The following KCNQ1 variants were observed in gnomAD, a reference collection of about 807,000 sequenced individuals.
KCNQ1 encodes potassium voltage-gated channel subfamily KQT member 1.
In KCNQ1, 49 loss-of-function variants were observed where a neutral mutation model predicts 72.4. The ratio of observed to expected loss-of-function variants is 0.68; its 90% confidence interval spans 0.54 to 0.86. The LOEUF is 0.86. Ranked by LOEUF, KCNQ1 falls within the 40% of genes least tolerant of loss-of-function variation. The pLI is 0.00. For missense variants in KCNQ1, 790 were observed against 945.1 expected, an observed-to-expected ratio of 0.84 and a Z score of 2.15; for synonymous variants, 450 against 412.6, an observed-to-expected ratio of 1.09 and a Z score of -1.10.
In KCNQ1 at chr11:2,623,045, G is replaced by A; in HGVS notation, c.1393+34191G>A. 2.5e-6 allele frequency: 1 copy of A among 398,574 alleles called. No individual in the cohort carries two copies. The highest frequency in any genetic ancestry group is 4.4e-6 in the Non-Finnish European group (1 of 226,110). 24.7% of individuals were successfully genotyped at this position (398,574 alleles called of 1,614,324 possible). A position where few individuals can be genotyped will look rare whatever the true frequency, so the allele number is the denominator to read the frequency against. On this transcript the variant is annotated intron_variant, in intron 10 of 15. Coordinates refer to ENST00000155840, the MANE Select transcript of KCNQ1 (RefSeq NM_000218.3). The surrounding 1 kb of genome is among the most constrained non-coding windows in gnomAD (Gnocchi z 5.2). The stretch of plus-strand genomic sequence containing the variant: ...GTGTCAGGGGAGGGGCCTGGTGGGG[G>A]GCAAACTTCCCCCTTGCTGTTCTCA...
intron 2 of KCNQ1, among the ~76,000 whole-genome samples, chr11:2,532,263 T>A (rs1564808512): frequency 2.6e-5 from 4 of 152,306 alleles, no homozygotes; most frequent in South Asian, 4.1e-4. Flanking sequence ...AAGCTCTGCA[T>A]GGCGCTTCCT....
At chr11:2,452,037 A>G (rs1238474341) in intron 1 of KCNQ1, among the ~76,000 whole-genome samples, 1 of 152,148 alleles carries the variant, frequency 6.6e-6, no homozygotes, top group Non-Finnish European at 1.5e-5. Flanking sequence ...TGGCTCTCAA[A>G]GCCTTGGTCT....
At chr11:2,793,133 G>A (rs940541156) in intron 15 of KCNQ1, among the ~76,000 whole-genome samples, 13 of 152,220 alleles carry the variant, frequency 8.5e-5, no homozygotes, top group African/African-American at 3.1e-4. Context: ...CATCCTCGCT[G>A]GGCTACAAAT....
chr11:2,638,073 T>C (rs1236301485), intron 10 of KCNQ1: 5 of 152,232 alleles, frequency 3.3e-5, no homozygotes, highest in Non-Finnish European at 7.3e-5. Context: ...TATGTGTGTC[T>C]CTGCACGTGA....
intron 11 of KCNQ1, among the ~76,000 whole-genome samples, chr11:2,737,607 T>C (rs1021894614): frequency 1.3e-5 from 2 of 152,224 alleles, no homozygotes; most frequent in Admixed American, 1.3e-4. Flanking sequence ...GTGAGTGAAT[T>C]TGACTCCGTT....
In KCNQ1 at chr11:2,752,106, CTGTT is replaced by C. The variant is rs1055643779; in HGVS notation, c.1515-16734_1515-16731del. 6.6e-6 allele frequency among the ~76,000 whole-genome samples: 1 copy of C among 152,258 alleles called. No individual in the cohort carries two copies. Among genetic ancestry groups the C allele is most frequent in the Non-Finnish European group, 1.5e-5 (1 of 68,052 alleles). ...GGTCATCCCTGTTTCCACCACAAGA[CTGTT>C]TGTAGCCGAGCTTGGGAGTTGTGTT... On this transcript the variant is annotated intron_variant, in intron 11 of 15. Coordinates refer to ENST00000155840, the MANE Select transcript of KCNQ1 (RefSeq NM_000218.3). The surrounding 1 kb of genome is among the most constrained non-coding windows in gnomAD (Gnocchi z 5.2).
chr11:2,497,350 G>A lies in KCNQ1; in HGVS notation c.387-30578G>A, dbSNP rs1846939866. Among the ~76,000 whole-genome samples the A allele has an allele frequency of 6.6e-6, 1 of 152,036 alleles. No homozygotes were observed. Among genetic ancestry groups the A allele is most frequent in the South Asian group, 2.1e-4 (1 of 4,814 alleles). Reference sequence around the variant, plus strand: ...TTCATATAGTCCCATATTTCTTGGAGGTTTTGTTCGTTCTTTTTCATCATT... The same window carrying A: ...TTCATATAGTCCCATATTTCTTGGAAGTTTTGTTCGTTCTTTTTCATCATT... On this transcript the variant is annotated intron_variant, in intron 1 of 15. Coordinates refer to ENST00000155840, the MANE Select transcript of KCNQ1 (RefSeq NM_000218.3). This position sits in a 1 kb window ranked among gnomAD's most constrained non-coding sequence, Gnocchi z 4.5.
chr11:2,662,126 GA>G (rs1248836146), intron 11 of KCNQ1, 45 bp downstream of exon 11: 4 of 1,613,014 alleles, frequency 2.5e-6, no homozygotes, highest in Non-Finnish European at 3.4e-6. Context: ...GAGGGGACTG[GA>G]GCTCAAGGAG....
intron 15 of KCNQ1, among the ~76,000 whole-genome samples, chr11:2,780,099 C>T (rs1394508561): frequency 1.3e-5 from 2 of 152,180 alleles, no homozygotes; most frequent in African/African-American, 4.8e-5. Flanking sequence ...TGGTGAGTGG[C>T]ACCCACAGTC....
chr11:2,823,582 G>C (rs149374254), intron 15 of KCNQ1, among the ~76,000 whole-genome samples: 1 of 152,322 alleles, frequency 6.6e-6, no homozygotes, highest in African/African-American at 2.4e-5. Context: ...CAGGCCTCCA[G>C]CCCAGGCAGC....
At chr11:2,470,004 C>G (rs964448510) in intron 1 of KCNQ1, among the ~76,000 whole-genome samples, 1 of 151,998 alleles carries the variant, frequency 6.6e-6, no homozygotes, top group Admixed American at 6.6e-5. Flanking sequence ...ACTCTGTCGC[C>G]CAGGTTGAAG....
intron 11 of KCNQ1, among the ~76,000 whole-genome samples, chr11:2,733,840 T>G (rs1198170781): frequency 2.7e-5 from 1 of 36,748 alleles, no homozygotes; most frequent in African/African-American, 2.1e-4. Context: ...TCTCTCTCTC[T>G]CTCTCTCTCT....
At chr11:2,837,668 G>A (rs936974065) in intron 15 of KCNQ1, among the ~76,000 whole-genome samples, 1 of 152,208 alleles carries the variant, frequency 6.6e-6, no homozygotes, top group African/African-American at 2.4e-5. Flanking sequence ...GAGGGGGAAG[G>A]GAGGGGGCCT....
intron 11 of KCNQ1, among the ~76,000 whole-genome samples, chr11:2,716,155 T>C (rs573232641): frequency 2.0e-4 from 30 of 152,292 alleles, no homozygotes; most frequent in African/African-American, 3.6e-4. Context: ...TGGCTGTTTG[T>C]ATCACTTAAC....
intron 2 of KCNQ1, among the ~76,000 whole-genome samples, 173 bp downstream of exon 2, chr11:2,528,191 C>T (rs1847544997): frequency 6.6e-6 from 1 of 152,190 alleles, no homozygotes; most frequent in African/African-American, 2.4e-5. Flanking sequence ...TGCCAAGTGA[C>T]TTGGGATGTA....
At chr11:2,788,571 C>G (rs545160240) in intron 15 of KCNQ1, among the ~76,000 whole-genome samples, 51 of 149,982 alleles carry the variant, frequency 3.4e-4, no homozygotes, top group Non-Finnish European at 6.0e-4. Flanking sequence ...CACACCCAAC[C>G]CAACACTCCT....
rs11023003 is a variant in KCNQ1, at chr11:2,483,040, G to A, written c.386+37556G>A. 6.8e-4 allele frequency among the ~76,000 whole-genome samples: 103 copies of A among 152,264 alleles called. No homozygotes were observed. Among genetic ancestry groups the A allele is most frequent in the African/African-American group, 2.3e-3 (94 of 41,560 alleles). ...GGAGTGCCTTTTGTGGAGGGGAGTC[G>A]GACACAGATGGGATTTCAGCAGAGA... On this transcript the variant is annotated intron_variant, in intron 1 of 15. Transcript: ENST00000155840. This position sits in a 1 kb window ranked among gnomAD's most constrained non-coding sequence, Gnocchi z 6.1.
In KCNQ1 at chr11:2,544,346, GTATA is replaced by G. The variant is rs953686275; in HGVS notation, c.477+16334_477+16337del. Reference sequence around the variant, plus strand: ...TATGTATATATATGTGTATGTATATGTATATATATGTGTATATATATGTGTATAT... The same window carrying G: ...TATGTATATATATGTGTATGTATATGTATATGTGTATATATATGTGTATAT... On this transcript the variant is annotated intron_variant, in intron 2 of 15. Coordinates refer to ENST00000155840, the MANE Select transcript of KCNQ1 (RefSeq NM_000218.3). This position sits in a 1 kb window ranked among gnomAD's most constrained non-coding sequence, Gnocchi z 4.4. 1.4e-5 allele frequency among the ~76,000 whole-genome samples: 2 copies of G among 146,428 alleles called. No homozygotes were observed. Among genetic ancestry groups the G allele is most frequent in the Non-Finnish European group, 3.0e-5 (2 of 67,200 alleles).
At position 2,750,298 on chromosome 11, in the gene KCNQ1, C is replaced by T. The variant is rs958072489; in HGVS notation, c.1515-18546C>T. 5.9e-5 allele frequency among the ~76,000 whole-genome samples: 9 copies of T among 152,264 alleles called. No individual in the cohort carries two copies. Among genetic ancestry groups the T allele is most frequent in the East Asian group, 5.8e-4 (3 of 5,176 alleles). Reference sequence around the variant, plus strand: ...AGCCCAGGGCGGAGGACATGGGAGACGGGGGTATAGCTGTTGGGCTTGTGG... The same window carrying T: ...AGCCCAGGGCGGAGGACATGGGAGATGGGGGTATAGCTGTTGGGCTTGTGG... On this transcript the variant is annotated intron_variant, in intron 11 of 15. Coordinates refer to ENST00000155840, the MANE Select transcript of KCNQ1 (RefSeq NM_000218.3). This position sits in a 1 kb window ranked among gnomAD's most constrained non-coding sequence, Gnocchi z 6.3.
Sources: allele counts gnomAD v4.1 joint callset (sites outside exome capture counted in the v4.1 genomes callset), GRCh38; gene constraint gnomAD v4.1.1; non-coding constraint Gnocchi (gnomAD v3.1); transcripts MANE v1.5; gene names NCBI Gene and HGNC (gene_info 2026-07-23, HGNC 2026-07-21).